JPT1: variants seen among roughly 807,000 people sequenced by gnomAD.
JPT1 encodes the protein androgen-regulated protein 2.
JPT1 carries 5 observed loss-of-function variants against 17.0 expected under a neutral mutation model. The observed-to-expected ratio is 0.29, with a 90% CI of 0.15 to 0.62. The LOEUF (loss-of-function observed/expected upper bound fraction) is 0.62, where lower values mean the gene tolerates loss of function less well. Ranked by LOEUF, JPT1 falls within the 20% of genes least tolerant of loss-of-function variation. The pLI, the probability that JPT1 is intolerant of heterozygous loss-of-function variation, is 0.85. For missense variants in JPT1, 158 were observed against 188.1 expected (o/e 0.84, Z 0.94); for synonymous variants, 71 against 73.6 (o/e 0.96, Z 0.18).
chr17:75,149,406 C>T (rs1036485294), intron 1 of JPT1, among the ~76,000 whole-genome samples: 2 of 152,072 alleles, frequency 1.3e-5, no homozygotes, highest in African/African-American at 4.8e-5. Flanking sequence ...CTCCCTCTGT[C>T]GCCCAGGCTG....
chr17:75,139,867 G>A (rs576980399), intron 4 of JPT1, among the ~76,000 whole-genome samples: 6 of 152,168 alleles, frequency 3.9e-5, no homozygotes, highest in African/African-American at 1.2e-4. Context: ...CCACAGAGGA[G>A]GGAGGTTTGT....
intron 4 of JPT1, 137 bp from the exon 5 acceptor site, chr17:75,136,387 C>A (rs964910407): frequency 1.4e-5 from 10 of 709,398 alleles, no homozygotes; most frequent in Non-Finnish European, 2.3e-5. Context: ...AAATAATCAC[C>A]CACCATGCTC....
chr17:75,150,409 C>T (rs992674198), intron 1 of JPT1, among the ~76,000 whole-genome samples: 9 of 152,116 alleles, frequency 5.9e-5, no homozygotes, highest in African/African-American at 7.2e-5. Flanking sequence ...CCCACCACCA[C>T]AAACAGCTAA....
chr17:75,136,508 T>C (rs2145153965), intron 4 of JPT1, among the ~76,000 whole-genome samples: 1 of 152,292 alleles, frequency 6.6e-6, no homozygotes, highest in East Asian at 1.9e-4. Flanking sequence ...TTTTGTTTTG[T>C]TTTTTGACGG....
At chr17:75,153,667 ACACTTGGAAGAGGGGAGG>A (rs1357157299) in intron 1 of JPT1, 3 of 151,198 alleles carry the variant, frequency 2.0e-5, no homozygotes, top group East Asian at 2.0e-4. Context: ...GGAAGGGGAG[ACACTTGGAAGAGGGGAGG>A]CACTTCGAAG....
intron 4 of JPT1, among the ~76,000 whole-genome samples, chr17:75,137,671 A>C (rs1424414863): frequency 7.1e-6 from 1 of 140,564 alleles, no homozygotes. Flanking sequence ...CACCCTTCAC[A>C]CAGCCTAGTT....
chr17:75,153,973 C>A (rs1175632460), intron 1 of JPT1: 2 of 162,134 alleles, frequency 1.2e-5, no homozygotes, highest in African/African-American at 4.8e-5. Flanking sequence ...CCCCGGGCAC[C>A]TGGGGGGCCA....
At chr17:75,140,169 G>A (rs1412364753) in intron 4 of JPT1, among the ~76,000 whole-genome samples, 1 of 151,990 alleles carries the variant, frequency 6.6e-6, no homozygotes, top group Non-Finnish European at 1.5e-5. Flanking sequence ...GCACACCTCA[G>A]CCTCCCGAAG....
chr17:75,148,445 G>A, intron 2 of JPT1, 84 bp downstream of exon 2: 1 of 1,504,732 alleles, frequency 6.6e-7, no homozygotes, highest in Non-Finnish European at 9.1e-7. Flanking sequence ...AGACACGGGG[G>A]CACATGCTGG....
At chr17:75,147,138 C>T (rs550311131) in intron 3 of JPT1, among the ~76,000 whole-genome samples, 34 of 151,560 alleles carry the variant, frequency 2.2e-4, no homozygotes, top group South Asian at 1.2e-3. Context: ...AGTGCTTAGT[C>T]GGGCGGGGTC....
intron 1 of JPT1, chr17:75,153,698 G>A (rs1162601312): frequency 6.6e-6 from 1 of 152,468 alleles, no homozygotes; most frequent in African/African-American, 2.4e-5. Context: ...CTTCGAAGAG[G>A]GGAAGAACGA....
intron 4 of JPT1, among the ~76,000 whole-genome samples, chr17:75,140,145 T>G (rs1013480713): frequency 2.6e-5 from 4 of 152,010 alleles, no homozygotes; most frequent in African/African-American, 9.7e-5. Flanking sequence ...CTTGATCTCT[T>G]GACCTCATGA....
intron 1 of JPT1, among the ~76,000 whole-genome samples, chr17:75,149,666 C>CA (rs943699442): frequency 2.4e-4 from 36 of 151,960 alleles, no homozygotes; most frequent in African/African-American, 8.5e-4. Flanking sequence ...CACGCCCAGC[C>CA]AAAAAAAGTA....
intron 1 of JPT1, chr17:75,152,810 A>G (rs1415401423): frequency 6.6e-6 from 1 of 152,206 alleles, no homozygotes; most frequent in Non-Finnish European, 1.5e-5. Flanking sequence ...ATCTCATTGG[A>G]AAGAAAACAG....
At chr17:75,138,221 C>A (rs1463776669) in intron 4 of JPT1, among the ~76,000 whole-genome samples, 2 of 152,098 alleles carry the variant, frequency 1.3e-5, no homozygotes, top group Non-Finnish European at 2.9e-5. Context: ...CCTTGGCCTC[C>A]CAAGGTGCTG....
At chr17:75,139,688 C>T (rs943033916) in intron 4 of JPT1, among the ~76,000 whole-genome samples, 2 of 151,924 alleles carry the variant, frequency 1.3e-5, no homozygotes, top group Non-Finnish European at 2.9e-5. Flanking sequence ...GGCGTGTGTG[C>T]GCGCCTGTAT....
At position 75,154,403 on chromosome 17, in the gene JPT1, C is replaced by G; in HGVS notation, c.-6G>C. 1 of 1,548,238 alleles carries G rather than the reference C, an allele frequency of 6.5e-7. No homozygotes were observed. Among genetic ancestry groups the G allele is most frequent in the Non-Finnish European group, 8.7e-7 (1 of 1,145,738 alleles). The stretch of plus-strand genomic sequence containing the variant: ...AAGGTGGTGGTTGTGGTCATGGCGC[C>G]GAGGAGCGAGGTAGGCTGGCGCCGG... On this transcript the variant is annotated 5_prime_UTR_variant, in exon 1 of 5. Transcript: ENST00000409753.
Position 75,149,862 on chromosome 17 carries a change from TACACACAC to T in JPT1, c.57-1199_57-1192del, listed in dbSNP as rs58993126. On this transcript the variant is annotated intron_variant, in intron 1 of 4. Transcript: ENST00000409753. ...CCCCATCTCTAATCACTTACACACT[TACACACAC>T]ACACACACACACACTTAAGTCAGCT... 3.4e-5 allele frequency among the ~76,000 whole-genome samples: 5 copies of T among 147,492 alleles called. No homozygotes were observed. In the South Asian group the frequency reaches 6.4e-4, roughly 19 times the overall value.
At chr17:75,150,847 C>CTTTTTTTT (rs59267123) in intron 1 of JPT1, among the ~76,000 whole-genome samples, 1 of 65,958 alleles carries the variant, frequency 1.5e-5, no homozygotes, top group African/African-American at 4.3e-5. Flanking sequence ...ATTTTTCTTT[C>CTTTTTTTT]TTTTTTTTTT....
Sources: allele counts gnomAD v4.1 joint callset (sites outside exome capture counted in the v4.1 genomes callset), GRCh38; gene constraint gnomAD v4.1.1; transcripts MANE v1.5; gene names NCBI Gene and HGNC (gene_info 2026-07-23, HGNC 2026-07-21).